ROCK1: variants seen among roughly 807,000 people sequenced by gnomAD.
ROCK1 encodes the protein Rho associated coiled-coil containing protein kinase 1.
A neutral mutation model predicts 196.8 loss-of-function variants in ROCK1; 36 were observed. The ratio of observed to expected loss-of-function variants is 0.18; its 90% CI spans 0.14 to 0.24. The LOEUF (loss-of-function observed/expected upper bound fraction) is 0.24, where lower values mean the gene tolerates loss of function less well. ROCK1 is among the 10% of genes least tolerant of loss of function. ROCK1 has a pLI of 1.00. For missense variants in ROCK1, 920 were observed against 1,562.0 expected, an observed-to-expected ratio of 0.59 and a Z score of 6.93; for synonymous variants, 443 against 515.9, an observed-to-expected ratio of 0.86 and a Z score of 1.91.
intron 16 of ROCK1, among the ~76,000 whole-genome samples, chr18:20,995,606 C>T (rs990439431): frequency 1.3e-5 from 2 of 152,182 alleles, no homozygotes; most frequent in African/African-American, 4.8e-5. Flanking sequence ...AGACCCAGTG[C>T]TGTGCTGGCT....
chr18:21,061,174 G>A (rs1375291829), intron 2 of ROCK1, among the ~76,000 whole-genome samples: 2 of 151,578 alleles, frequency 1.3e-5, no homozygotes, highest in East Asian at 2.0e-4. Flanking sequence ...CACTTCCCAG[G>A]TTTAATTGAT....
At chr18:21,027,876 C>G in intron 10 of ROCK1, among the ~76,000 whole-genome samples, 1 of 144,864 alleles carries the variant, frequency 6.9e-6, no homozygotes, top group Non-Finnish European at 1.5e-5. Flanking sequence ...ATTCTCCTGC[C>G]TCAGCCTCCC....
intron 1 of ROCK1, among the ~76,000 whole-genome samples, chr18:21,085,802 T>C (rs138559146): frequency 3.6e-4 from 55 of 152,352 alleles, no homozygotes; most frequent in African/African-American, 1.2e-3. Flanking sequence ...TAAAACAAGA[T>C]AGTATCAGTA....
At chr18:21,016,885 C>CA (rs891976793) in intron 12 of ROCK1, among the ~76,000 whole-genome samples, 26 of 149,136 alleles carry the variant, frequency 1.7e-4, no homozygotes, top group African/African-American at 3.7e-4. Context: ...AGCCCCCCCG[C>CA]AAAAAAAAAG....
intron 16 of ROCK1, among the ~76,000 whole-genome samples, chr18:20,995,566 G>C (rs1598521474): frequency 6.6e-6 from 1 of 152,130 alleles, no homozygotes; most frequent in African/African-American, 2.4e-5. Context: ...CCACTGCCCT[G>C]AAGGGAGAGT....
At chr18:20,974,657 T>C (rs1411115013) in intron 22 of ROCK1, among the ~76,000 whole-genome samples, 1 of 152,224 alleles carries the variant, frequency 6.6e-6, no homozygotes, top group Admixed American at 6.5e-5. Flanking sequence ...CTCACCCTTA[T>C]TCTCCTACCT....
rs1480333786 is a variant in ROCK1 at position 21,008,249 on chromosome 18, CAAGT to C, written c.1411-59_1411-56del. ...GTGATTAATACTCTGGTCATTCATT[CAAGT>C]GAGTATTTTGTTCTTAAAAACAAAA... On this transcript the variant is annotated intron_variant, in intron 13 of 32. Transcript: ENST00000399799. The C allele has an allele frequency of 1.2e-5, 15 of 1,238,928 alleles. No individual in the cohort carries two copies. In the South Asian group the frequency reaches 1.4e-4, roughly 12 times the overall value. The allele number at this position is 1,238,928 out of a possible 1,614,324, so 76.7% of individuals were successfully genotyped here. A position where few individuals can be genotyped will look rare whatever the true frequency, so the allele number is the denominator to read the frequency against.
At chr18:21,047,756 C>T (rs2036173222) in intron 4 of ROCK1, among the ~76,000 whole-genome samples, 1 of 151,792 alleles carries the variant, frequency 6.6e-6, no homozygotes, top group Non-Finnish European at 1.5e-5. Flanking sequence ...CGAGATCGCA[C>T]CATTGCACTC....
chr18:21,080,220 A>G (rs2036471665), intron 1 of ROCK1, among the ~76,000 whole-genome samples: 1 of 152,164 alleles, frequency 6.6e-6, no homozygotes. Context: ...TAAACGGCCA[A>G]TTTTCCATAA....
chr18:20,968,548 T>C, intron 25 of ROCK1: 1 of 434,024 alleles, frequency 2.3e-6, no homozygotes, highest in Non-Finnish European at 4.1e-6. Flanking sequence ...TTAAGTGTTC[T>C]GCTGGCCTCA....
At chr18:21,088,101 T>A (rs1349724416) in intron 1 of ROCK1, among the ~76,000 whole-genome samples, 1 of 152,220 alleles carries the variant, frequency 6.6e-6, no homozygotes, top group Non-Finnish European at 1.5e-5. Flanking sequence ...AATAAAAATA[T>A]ACATTGAACT....
intron 12 of ROCK1, among the ~76,000 whole-genome samples, chr18:21,017,148 T>A (rs2035869764): frequency 6.6e-6 from 1 of 151,510 alleles, no homozygotes; most frequent in Admixed American, 6.6e-5. Context: ...TATTCCTGTA[T>A]AATTTTATTC....
intron 25 of ROCK1, 122 bp downstream of exon 25, chr18:20,968,650 G>A (rs937189455): frequency 1.7e-5 from 11 of 648,096 alleles, no homozygotes; most frequent in Non-Finnish European, 3.0e-5. Flanking sequence ...TTAGCGGGGA[G>A]AGAATTTATT....
chr18:21,071,577 G>T (rs188231472), intron 1 of ROCK1, among the ~76,000 whole-genome samples: 250 of 152,234 alleles, frequency 1.6e-3, no homozygotes, highest in African/African-American at 5.9e-3. Flanking sequence ...CATCTATTCA[G>T]ACTATATCCT....
chr18:20,988,407 G>A (rs1011673898), intron 18 of ROCK1, among the ~76,000 whole-genome samples: 1 of 151,828 alleles, frequency 6.6e-6, no homozygotes, highest in African/African-American at 2.4e-5. Flanking sequence ...TCTATACCTC[G>A]ACTTCTTTCC....
intron 11 of ROCK1, among the ~76,000 whole-genome samples, chr18:21,022,736 G>C (rs2035924242): frequency 6.6e-6 from 1 of 152,014 alleles, no homozygotes; most frequent in Admixed American, 6.6e-5. Context: ...TCCCACTCTT[G>C]TTCATACATG....
chr18:20,998,100 G>C, intron 16 of ROCK1, among the ~76,000 whole-genome samples: 1 of 152,244 alleles, frequency 6.6e-6, no homozygotes, highest in East Asian at 1.9e-4. Context: ...GCCTCCCAAA[G>C]TGCTGGGATG....
intron 16 of ROCK1, among the ~76,000 whole-genome samples, chr18:20,997,923 G>A (rs1278046894): frequency 1.3e-5 from 2 of 150,092 alleles, no homozygotes; most frequent in Non-Finnish European, 1.5e-5. Context: ...TGCAACTTCC[G>A]ACTCCCGGGT....
At chr18:21,107,697 A>G (rs1177596594) in intron 1 of ROCK1, among the ~76,000 whole-genome samples, 1 of 152,234 alleles carries the variant, frequency 6.6e-6, no homozygotes, top group Non-Finnish European at 1.5e-5. Flanking sequence ...ATAAAACATC[A>G]TGCGAAGAAA....
Sources: allele counts gnomAD v4.1 joint callset (sites outside exome capture counted in the v4.1 genomes callset), GRCh38; gene constraint gnomAD v4.1.1; transcripts MANE v1.5; gene names NCBI Gene and HGNC (gene_info 2026-07-23, HGNC 2026-07-21).